PCDHGB5: variants seen among roughly 807,000 people sequenced by gnomAD.
PCDHGB5 encodes the protein protocadherin gamma subfamily B, 5, also known as protocadherin gamma-B5.
A neutral mutation model predicts 62.9 loss-of-function variants in PCDHGB5; 48 were observed. The ratio of observed to expected loss-of-function variants is 0.76; its 90% CI spans 0.61 to 0.97. The LOEUF (loss-of-function observed/expected upper bound fraction) is 0.97, where lower values mean the gene tolerates loss of function less well. Among genes scored for constraint, PCDHGB5 ranks in the 50% least tolerant of loss-of-function variants. PCDHGB5 has a pLI of 0.00. For missense variants in PCDHGB5, 1,118 were observed against 1,198.6 expected, an observed-to-expected ratio of 0.93 and a Z score of 0.99; for synonymous variants, 474 against 511.2, an observed-to-expected ratio of 0.93 and a Z score of 0.98.
intron 1 of PCDHGB5, among the ~76,000 whole-genome samples, chr5:141,446,167 G>A (rs1357034077): frequency 6.6e-6 from 1 of 152,188 alleles, no homozygotes; most frequent in African/African-American, 2.4e-5. Flanking sequence ...ATTTCATGAG[G>A]GCAGGGGGTG....
At chr5:141,409,200 T>A in intron 1 of PCDHGB5, 1 of 1,614,020 alleles carries the variant, frequency 6.2e-7, no homozygotes, top group Non-Finnish European at 8.5e-7. Flanking sequence ...CAGTGTAAAG[T>A]AATCATAGAA....
At chr5:141,483,840 T>C (rs996866862) in intron 1 of PCDHGB5, among the ~76,000 whole-genome samples, 2 of 152,172 alleles carry the variant, frequency 1.3e-5, no homozygotes, top group South Asian at 2.1e-4. Context: ...AAGGACTTGG[T>C]TGAATTAAGA....
At chr5:141,403,688 A>G (rs1385402830) in intron 1 of PCDHGB5, 1 of 1,613,836 alleles carries the variant, frequency 6.2e-7, no homozygotes, top group Non-Finnish European at 8.5e-7. Flanking sequence ...TGCTCAACGG[A>G]TTTACCGAGT....
At chr5:141,473,858 C>G (rs569473917) in intron 1 of PCDHGB5, among the ~76,000 whole-genome samples, 1 of 152,286 alleles carries the variant, frequency 6.6e-6, no homozygotes, top group Admixed American at 6.5e-5. Flanking sequence ...ATGAACCTCG[C>G]TATTGTGGAG....
chr5:141,509,638 A>G (rs1204228233), intron 3 of PCDHGB5, among the ~76,000 whole-genome samples: 1 of 152,174 alleles, frequency 6.6e-6, no homozygotes, highest in Admixed American at 6.5e-5. Flanking sequence ...ATGCTGAGCC[A>G]GGGCCAGAGT....
rs549455612 is a variant in PCDHGB5 at position 141,415,049 on chromosome 5, A to T, written c.2397+14525A>T. On this transcript the variant is annotated intron_variant, in intron 1 of 3. Transcript: ENST00000617380. Reference sequence around the variant, plus strand: ...GAGCCGGGACTCTTCGCGGTGGGGGAGCACACGGGCGAGGTGCGCACGGCG... The same window carrying T: ...GAGCCGGGACTCTTCGCGGTGGGGGTGCACACGGGCGAGGTGCGCACGGCG... 84 of 1,613,216 alleles carry T rather than the reference A, an allele frequency of 5.2e-5. 1 individual carries two copies. In the Admixed American group the frequency reaches 6.0e-4, roughly 12 times the overall value.
chr5:141,423,095 A>ACG (rs2096709208), intron 1 of PCDHGB5: 4 of 1,613,860 alleles, frequency 2.5e-6, no homozygotes, highest in African/African-American at 2.7e-5. Flanking sequence ...GTGGGGGAGC[A>ACG]CACGGGCGAG....
chr5:141,453,676 C>T (rs1387074223), intron 1 of PCDHGB5, among the ~76,000 whole-genome samples: 1 of 152,174 alleles, frequency 6.6e-6, no homozygotes, highest in Admixed American at 6.6e-5. Flanking sequence ...AAAGGTAACA[C>T]ACTATGTAGG....
rs370431268 is a variant in PCDHGB5, at chr5:141,399,117, A to C, written c.990A>C (p.Glu330Asp). 6.2e-6 allele frequency: 10 copies of C among 1,613,848 alleles called. No individual in the cohort carries two copies. The highest frequency in any genetic ancestry group is 8.5e-6 in the Non-Finnish European group (10 of 1,179,888). Residue 330 changes from glutamate to aspartate, a missense_variant, in exon 1 of 4, where the codon GAA (glutamate) becomes GAC (aspartate). Glu to Asp is a conservative substitution (Grantham distance 45). Coordinates refer to ENST00000617380, the MANE Select transcript of PCDHGB5 (RefSeq NM_018925.3). ...GACTGGTTGCACAATGTACAGTTGAAATTAATATTCAAGATGAAAATGACA... is the reference window on the plus strand; with the variant it reads ...GACTGGTTGCACAATGTACAGTTGACATTAATATTCAAGATGAAAATGACA... ...GGGLVAQCTV[E>D]INIQDENDNS...
intron 1 of PCDHGB5, chr5:141,422,953 G>A: frequency 6.2e-7 from 1 of 1,614,232 alleles, no homozygotes; most frequent in Non-Finnish European, 8.5e-7. Context: ...CTCCACTGGC[G>A]TGGAGCTGGC....
chr5:141,500,877 A>ATTT (rs369345007), intron 2 of PCDHGB5, among the ~76,000 whole-genome samples: 1 of 122,288 alleles, frequency 8.2e-6, no homozygotes, highest in Admixed American at 8.0e-5. Context: ...TTCATTTACA[A>ATTT]TTTTTTTTTT....
chr5:141,510,656 A>C (rs761093897), intron 3 of PCDHGB5, among the ~76,000 whole-genome samples: 4 of 152,304 alleles, frequency 2.6e-5, no homozygotes, highest in Non-Finnish European at 5.9e-5. Flanking sequence ...CCCATTTTGC[A>C]GATGAGAAAA....
intron 1 of PCDHGB5, among the ~76,000 whole-genome samples, chr5:141,430,358 C>T (rs2097275535): frequency 6.7e-6 from 1 of 149,028 alleles, no homozygotes; most frequent in South Asian, 2.1e-4. Flanking sequence ...TTTAAAAGCT[C>T]ATTGGGGAAA....
At chr5:141,461,408 CAT>C (rs1491314585) in intron 1 of PCDHGB5, among the ~76,000 whole-genome samples, 2 of 151,994 alleles carry the variant, frequency 1.3e-5, no homozygotes, top group South Asian at 2.1e-4. Flanking sequence ...AGCATTTTTT[CAT>C]ATGTTTGTGG....
chr5:141,421,443 GAC>G (rs771422215), intron 1 of PCDHGB5: 47 of 1,613,988 alleles, frequency 2.9e-5, no homozygotes, highest in Non-Finnish European at 3.6e-5. Context: ...CCAGAGGGAA[GAC>G]ACAGCTTTTC....
At chr5:141,438,583 CAT>C (rs1561889590) in intron 1 of PCDHGB5, among the ~76,000 whole-genome samples, 4 of 57,610 alleles carry the variant, frequency 6.9e-5, no homozygotes, top group African/African-American at 3.6e-4. Flanking sequence ...TACATACATA[CAT>C]ACATACATAT....
intron 1 of PCDHGB5, chr5:141,422,772 C>A: frequency 6.2e-7 from 1 of 1,613,922 alleles, no homozygotes. Flanking sequence ...CTGGTGTTCT[C>A]TATGCCCTAC....
In PCDHGB5 at chr5:141,398,831, C is replaced by G. The variant is rs1488126013; in HGVS notation, c.704C>G (p.Ala235Gly). 8.1e-6 allele frequency: 13 copies of G among 1,614,014 alleles called. No homozygotes were observed. Among genetic ancestry groups the G allele is most frequent in the Non-Finnish European group, 1.1e-5 (13 of 1,179,906 alleles). ...GAGCTCCGGATCCAGGTAACCGACG[C>G]CAATGATAATCCCCCGGTATTCAAC... is the stretch of plus-strand genomic sequence containing the variant. The part of the protein sequence containing the change: ...TTELRIQVTD[A>G]NDNPPVFNRD... Residue 235 changes from alanine (A) to glycine (G), a missense_variant, in exon 1 of 4, where the codon GCC (alanine) becomes GGC (glycine). By Grantham distance (60) the Ala-to-Gly change is moderately conservative (BLOSUM62 0). Transcript: ENST00000617380.
chr5:141,423,159 G>A lies in PCDHGB5; in HGVS notation c.2397+22635G>A, dbSNP rs750186629. On this transcript the variant is annotated intron_variant, in intron 1 of 3. Transcript: ENST00000617380. Reference sequence around the variant, plus strand: ...GAGACGCGCTCAAGCAGAGCCTCGTGGTGGCCGTCCAGGACCACGGCCAGC... The same window carrying A: ...GAGACGCGCTCAAGCAGAGCCTCGTAGTGGCCGTCCAGGACCACGGCCAGC... The A allele has an allele frequency of 1.9e-5, 31 of 1,610,746 alleles. 1 individual carries two copies. The highest frequency in any genetic ancestry group is 3.3e-4 in the Middle Eastern group (2 of 6,080).
Sources: gnomAD v4.1 joint callset for allele counts (sites outside exome capture counted in the v4.1 genomes callset) on GRCh38, gnomAD v4.1.1 for gene constraint, MANE v1.5 for transcripts, NCBI Gene and HGNC (gene_info 2026-07-23, HGNC 2026-07-21) for gene names.